Variants in HADHB observed in about 807,000 individuals in gnomAD.
HADHB encodes the protein trifunctional enzyme subunit beta, mitochondrial.
Under a neutral mutation model 61.9 loss-of-function variants are expected in HADHB, and 50 were observed. The observed-to-expected ratio is 0.81, with a 90% confidence interval of 0.64 to 1.02. The LOEUF is 1.02. Among genes scored for constraint, HADHB ranks in the 50% least tolerant of loss-of-function variants. The pLI is 0.00. For synonymous variants in HADHB, 191 were observed against 201.6 expected, an observed-to-expected ratio of 0.95 and a Z score of 0.45; for missense variants, 504 against 586.5, an observed-to-expected ratio of 0.86 and a Z score of 1.45.
rs1470926167 is a variant in HADHB, at chr2:26,246,440, A to G, written c.-9+1450A>G. Among the ~76,000 whole-genome samples the G allele has an allele frequency of 4.0e-5, 6 of 151,736 alleles. No homozygotes were observed. In the East Asian group the frequency reaches 9.7e-4, roughly 24 times the overall value. On this transcript the variant is annotated intron_variant, in intron 1 of 15. Coordinates refer to ENST00000317799, the MANE Select transcript of HADHB (RefSeq NM_000183.3). Reference sequence around the variant, plus strand: ...TCACTGCAGCCTCCTCCCGGGTTCAAGTGATTCTCCTGCCTCAGGCTCCCG... The same window carrying G: ...TCACTGCAGCCTCCTCCCGGGTTCAGGTGATTCTCCTGCCTCAGGCTCCCG...
At chr2:26,256,033 T>A (rs1671594437) in intron 3 of HADHB, among the ~76,000 whole-genome samples, 1 of 152,260 alleles carries the variant, frequency 6.6e-6, no homozygotes, top group Non-Finnish European at 1.5e-5. Flanking sequence ...TTCCTTATAT[T>A]GCTCTGTAAC....
At chr2:26,273,060 C>G (rs1021917551) in intron 5 of HADHB, among the ~76,000 whole-genome samples, 1 of 151,336 alleles carries the variant, frequency 6.6e-6, no homozygotes, top group Non-Finnish European at 1.5e-5. Flanking sequence ...TCCATCCAGC[C>G]TGGGTGAAAG....
intron 3 of HADHB, among the ~76,000 whole-genome samples, chr2:26,255,189 C>T (rs946531001): frequency 2.4e-4 from 37 of 152,066 alleles, no homozygotes; most frequent in African/African-American, 8.9e-4. Flanking sequence ...GTATTTCTAC[C>T]TGTATAATAA....
At chr2:26,264,759 C>T (rs1267984202) in intron 4 of HADHB, among the ~76,000 whole-genome samples, 1 of 151,908 alleles carries the variant, frequency 6.6e-6, no homozygotes, top group African/African-American at 2.4e-5. Flanking sequence ...CCTGTAATCC[C>T]AGCACTTTGG....
Position 26,277,069 on chromosome 2 carries a change from A to G in HADHB, c.355-4A>G. The G allele has an allele frequency of 6.6e-7, 1 of 1,523,216 alleles. No homozygotes were observed. Among genetic ancestry groups the G allele is most frequent in the Non-Finnish European group, 9.1e-7 (1 of 1,097,832 alleles). 94.4% of individuals were successfully genotyped at this position (1,523,216 alleles called of 1,614,324 possible). ...GATCATTTCATTCACTCTATTTCCT[A>G]AAGGCTGCCCTTGGAGCTGGCTTCT... is the stretch of plus-strand genomic sequence containing the variant. On this transcript the variant is annotated splice_region_variant and splice_polypyrimidine_tract_variant and intron_variant, in intron 6 of 15. Coordinates refer to ENST00000317799, the MANE Select transcript of HADHB (RefSeq NM_000183.3).
In HADHB at chr2:26,282,909, C is replaced by A. The variant is rs770736746; in HGVS notation, c.998C>A (p.Pro333Gln). 6 of 1,611,500 alleles carry A rather than the reference C, an allele frequency of 3.7e-6. No individual in the cohort carries two copies. Among genetic ancestry groups the A allele is most frequent in the Non-Finnish European group, 5.1e-6 (6 of 1,177,812 alleles). The change falls in exon 11 of 16, where the codon CCG becomes CAG. Residue 333 changes from proline to glutamine, a missense_variant. Pro to Gln is a moderately conservative substitution (Grantham distance 76, BLOSUM62 -1). Coordinates refer to ENST00000317799, the MANE Select transcript of HADHB (RefSeq NM_000183.3). ...AAGGCTCTGGCCATGGGTTATAAGC[C>A]GAAGGCATATTTGAGGTAAAGTAAA... ...EEKALAMGYK[P>Q]KAYLRDFMYV...
intron 4 of HADHB, among the ~76,000 whole-genome samples, chr2:26,264,631 G>A (rs887030465): frequency 6.6e-5 from 10 of 150,584 alleles, no homozygotes; most frequent in Admixed American, 6.6e-5. Flanking sequence ...ACACATGTGT[G>A]TGTGTATGTG....
rs528206430 is a variant in HADHB at position 26,274,785 on chromosome 2, C to G, written c.354+1035C>G. On this transcript the variant is annotated intron_variant, in intron 6 of 15. Coordinates refer to ENST00000317799, the MANE Select transcript of HADHB (RefSeq NM_000183.3). The stretch of plus-strand genomic sequence containing the variant: ...ATAACCTATTACTTTTATAAGAGCA[C>G]TTAAGATGTAAATAGTAAATTTTTT... Among the ~76,000 whole-genome samples, 65 of 152,206 alleles carry G rather than the reference C, an allele frequency of 4.3e-4. No individual in the cohort carries two copies. The South Asian group carries it at 0.013, about 30-fold the overall frequency.
At chr2:26,258,578 A>G (rs62130462) in intron 3 of HADHB, among the ~76,000 whole-genome samples, 147,910 of 152,288 alleles carry the variant, frequency 0.97, 71,920 homozygotes, top group Non-Finnish European at 1. Context: ...GGTCTGCGAC[A>G]GTGGCGAACA....
intron 4 of HADHB, among the ~76,000 whole-genome samples, chr2:26,268,625 GA>G (rs938226031): frequency 1.3e-5 from 2 of 152,196 alleles, no homozygotes; most frequent in African/African-American, 4.8e-5. Flanking sequence ...TCAAGGTCAT[GA>G]AAGACAAGGA....
chr2:26,253,853 CAAAAAAATAAATAAAT>C (rs892138423), intron 1 of HADHB, among the ~76,000 whole-genome samples: 3 of 75,684 alleles, frequency 4.0e-5, no homozygotes, highest in African/African-American at 1.2e-4. Flanking sequence ...AACTCCATCT[CAAAAAAATAAATAAAT>C]AAATAAATAA....
At chr2:26,258,433 A>G (rs568226903) in intron 3 of HADHB, among the ~76,000 whole-genome samples, 1 of 152,356 alleles carries the variant, frequency 6.6e-6, no homozygotes, top group East Asian at 1.9e-4. Flanking sequence ...GAGCTCGATT[A>G]GGACGAACCT....
chr2:26,254,976 A>C (rs1175931039), intron 3 of HADHB: 1 of 165,536 alleles, frequency 6.0e-6, no homozygotes, highest in African/African-American at 2.4e-5. Context: ...TGAAAGAGTA[A>C]GGAAATGTGT....
chr2:26,272,289 T>A (rs1672376167), intron 5 of HADHB, among the ~76,000 whole-genome samples: 1 of 152,084 alleles, frequency 6.6e-6, no homozygotes, highest in African/African-American at 2.4e-5. Flanking sequence ...TATAGTTTGA[T>A]GAGTTTTGAC....
chr2:26,285,099 T>C, intron 14 of HADHB, 142 bp downstream of exon 14: 1 of 631,934 alleles, frequency 1.6e-6, no homozygotes, highest in South Asian at 1.9e-5. Context: ...ATTTATTTCT[T>C]AGTGTAAAAG....
chr2:26,246,808 T>C (rs972945794), intron 1 of HADHB, among the ~76,000 whole-genome samples: 1 of 152,152 alleles, frequency 6.6e-6, no homozygotes, highest in Non-Finnish European at 1.5e-5. Flanking sequence ...GTTTCTTTGA[T>C]CCCTAAGCAC....
intron 13 of HADHB, among the ~76,000 whole-genome samples, chr2:26,284,411 C>G (rs973656481): frequency 2.6e-5 from 4 of 151,206 alleles, no homozygotes; most frequent in African/African-American, 9.7e-5. Context: ...TACCAAATTG[C>G]TTCTTTAGGA....
Position 26,285,013 on chromosome 2 carries a change from T to A in HADHB, c.1224+56T>A, listed in dbSNP as rs60613996. 1,864 of 879,006 alleles carry A rather than the reference T, an allele frequency of 2.1e-3. 15 individuals are homozygous for A. The highest frequency in any genetic ancestry group is 0.02 in the African/African-American group (1,197 of 61,158). The allele number at this position is 879,006 out of a possible 1,614,324, so 54.5% of individuals were successfully genotyped here. A position where few individuals can be genotyped will look rare whatever the true frequency, so the allele number is the denominator to read the frequency against. Reference sequence around the variant, plus strand: ...TTTTCAAAGCACGTTAATAATTGGATCTTAGTTACCTGTTCTTAAGAATAT... The same window carrying A: ...TTTTCAAAGCACGTTAATAATTGGAACTTAGTTACCTGTTCTTAAGAATAT... On this transcript the variant is annotated intron_variant, in intron 14 of 15. Transcript: ENST00000317799.
In HADHB at chr2:26,280,552, G is replaced by A. The variant is rs114508574; in HGVS notation, c.933+437G>A. Among the ~76,000 whole-genome samples the A allele has an allele frequency of 1.3e-3, 200 of 152,216 alleles. 1 individual carries two copies. The highest frequency in any genetic ancestry group is 4.7e-3 in the African/African-American group (195 of 41,554). On this transcript the variant is annotated intron_variant, in intron 10 of 15. Transcript: ENST00000317799. ...GAAGAGTAAAAGCCAACTCAGGAAG[G>A]ATTTTAAAAGGCATTTCAGGCCGGG...
Sources: gnomAD v4.1 joint callset for allele counts (sites outside exome capture counted in the v4.1 genomes callset) on GRCh38, gnomAD v4.1.1 for gene constraint, MANE v1.5 for transcripts, NCBI Gene and HGNC (gene_info 2026-07-23, HGNC 2026-07-21) for gene names.